The following BRINP3 variants were observed in gnomAD, a reference collection of about 807,000 sequenced individuals.
BRINP3 encodes BMP/retinoic acid-inducible neural-specific protein 3.
A neutral mutation model predicts 71.0 loss-of-function variants in BRINP3; 19 were observed. The ratio of observed to expected loss-of-function variants is 0.27; its 90% CI spans 0.19 to 0.39. BRINP3 has a LOEUF of 0.39. Among genes scored for constraint, BRINP3 ranks in the 10% least tolerant of loss-of-function variants. The pLI is 1.00. For missense variants in BRINP3, 959 were observed against 940.8 expected (o/e 1.02, Z -0.25); for synonymous variants, 380 against 337.7 (o/e 1.13, Z -1.37).
chr1:190,266,033 T>C (rs528403767), intron 3 of BRINP3, among the ~76,000 whole-genome samples: 1 of 152,200 alleles, frequency 6.6e-6, no homozygotes, highest in Non-Finnish European at 1.5e-5. Flanking sequence ...AGCTGAACTT[T>C]TCAATGTCCA....
intron 6 of BRINP3, among the ~76,000 whole-genome samples, chr1:190,179,772 T>C (rs976245424): frequency 2.0e-5 from 3 of 152,142 alleles, no homozygotes; most frequent in Admixed American, 6.6e-5. Flanking sequence ...GCTTGTGATC[T>C]GTTAAATTTA....
At chr1:190,210,386 T>C (rs1558068356) in intron 6 of BRINP3, among the ~76,000 whole-genome samples, 2 of 152,110 alleles carry the variant, frequency 1.3e-5, no homozygotes, top group South Asian at 2.1e-4. Flanking sequence ...GATTTTATGA[T>C]GCTGAATCAA....
chr1:190,170,456 T>C (rs771343264), intron 6 of BRINP3, among the ~76,000 whole-genome samples: 55 of 152,146 alleles, frequency 3.6e-4, no homozygotes, highest in Non-Finnish European at 6.2e-4. Flanking sequence ...TGATTGAACC[T>C]AAATATAAAC....
chr1:190,159,251 T>C (rs1657135513), intron 7 of BRINP3, among the ~76,000 whole-genome samples: 1 of 151,932 alleles, frequency 6.6e-6, no homozygotes, highest in African/African-American at 2.4e-5. Flanking sequence ...GAGATTGGAG[T>C]TGTCATTTGT....
intron 6 of BRINP3, among the ~76,000 whole-genome samples, chr1:190,181,091 A>G (rs968345039): frequency 5.3e-5 from 8 of 152,002 alleles, no homozygotes; most frequent in African/African-American, 1.7e-4. Context: ...GGCAAACACT[A>G]CCCAATCGTT....
Position 190,454,683 on chromosome 1 carries a change from C to T in BRINP3, c.208G>A (p.Gly70Arg), listed in dbSNP as rs140412690. The T allele has an allele frequency of 1.9e-6, 3 of 1,613,878 alleles. No individual in the cohort carries two copies. In the African/African-American group the frequency reaches 4.0e-5, roughly 22 times the overall value. ...TATATCTTGTATCTTGTGCTAAATC[C>T]CTGCCGGCTTCTGTCCACAAAATCT... Reference protein sequence around the residue: ...YTDFVDRSRQGFSTRYKIYRE... With the variant: ...YTDFVDRSRQRFSTRYKIYRE... The change falls in exon 2 of 8, where the codon GGA becomes AGA. Residue 70 changes from glycine (G) to arginine (R), a missense_variant. Gly to Arg is a moderately radical substitution (Grantham distance 125). Coordinates refer to ENST00000367462, the MANE Select transcript of BRINP3 (RefSeq NM_199051.3).
intron 1 of BRINP3, among the ~76,000 whole-genome samples, chr1:190,460,744 A>G (rs974729795): frequency 2.6e-5 from 4 of 152,284 alleles, no homozygotes; most frequent in South Asian, 2.1e-4. Context: ...ACGTTCTCCA[A>G]ACTTTTTTCT....
chr1:190,407,126 A>G (rs1558258573), intron 2 of BRINP3, among the ~76,000 whole-genome samples: 1 of 152,082 alleles, frequency 6.6e-6, no homozygotes, highest in East Asian at 1.9e-4. Context: ...CTATCAGGAG[A>G]CTCTTACAGA....
chr1:190,375,810 G>A (rs1290150689), intron 2 of BRINP3, among the ~76,000 whole-genome samples: 7 of 151,820 alleles, frequency 4.6e-5, no homozygotes, highest in Non-Finnish European at 1.0e-4. Context: ...TTGACATCTG[G>A]AAACATTACT....
At chr1:190,203,798 TATATATATATATATATAA>T (rs1558061985) in intron 6 of BRINP3, among the ~76,000 whole-genome samples, 14 of 57,104 alleles carry the variant, frequency 2.5e-4, no homozygotes, top group East Asian at 6.0e-4. Flanking sequence ...TATATATATA[TATATATATATATATATAA>T]ATGAAAACAA....
chr1:190,455,981 G>A lies in BRINP3; in HGVS notation c.-50-1041C>T, dbSNP rs945972794. 3.9e-5 allele frequency among the ~76,000 whole-genome samples: 6 copies of A among 152,092 alleles called. No homozygotes were observed. The South Asian group carries it at 6.2e-4, about 16-fold the overall frequency. ...AGCTTTTCAAACTGTATTATTCATAGCACATAGCACTACAGAGTGCAAAGA... is the reference window on the plus strand; with the variant it reads ...AGCTTTTCAAACTGTATTATTCATAACACATAGCACTACAGAGTGCAAAGA... On this transcript the variant is annotated intron_variant, in intron 1 of 7. Transcript: ENST00000367462.
At chr1:190,104,912 C>T (rs912455641) in intron 7 of BRINP3, among the ~76,000 whole-genome samples, 1 of 152,078 alleles carries the variant, frequency 6.6e-6, no homozygotes, top group African/African-American at 2.4e-5. Flanking sequence ...AAAACCTAAA[C>T]TATATAATTT....
chr1:190,437,827 G>GTTAA (rs942772871), intron 2 of BRINP3, among the ~76,000 whole-genome samples: 1 of 151,752 alleles, frequency 6.6e-6, no homozygotes, highest in African/African-American at 2.4e-5. Context: ...TTACTTTTAT[G>GTTAA]TTAAGAGACT....
chr1:190,301,210 T>TATATATACACACATAA (rs1558160695), intron 2 of BRINP3, among the ~76,000 whole-genome samples: 2 of 107,828 alleles, frequency 1.9e-5, no homozygotes, highest in Non-Finnish European at 3.5e-5. Context: ...CATACATATA[T>TATATATACACACATAA]ATATATATAT....
intron 6 of BRINP3, among the ~76,000 whole-genome samples, chr1:190,188,597 T>A (rs1164255757): frequency 6.7e-6 from 1 of 149,898 alleles, no homozygotes; most frequent in Non-Finnish European, 1.5e-5. Flanking sequence ...ACCTTCTGCA[T>A]CTATTGAAAA....
chr1:190,205,802 C>T (rs1655443315), intron 6 of BRINP3, among the ~76,000 whole-genome samples: 1 of 152,010 alleles, frequency 6.6e-6, no homozygotes, highest in Non-Finnish European at 1.5e-5. Flanking sequence ...CATTTTGCTT[C>T]CTTACCCTCT....
chr1:190,200,068 T>C (rs956404575), intron 6 of BRINP3, among the ~76,000 whole-genome samples: 12 of 152,088 alleles, frequency 7.9e-5, no homozygotes, highest in Admixed American at 2.6e-4. Context: ...TCAGAAGCTT[T>C]TCCTTATTGT....
intron 3 of BRINP3, among the ~76,000 whole-genome samples, chr1:190,270,754 G>A (rs1327068766): frequency 6.6e-6 from 1 of 151,420 alleles, no homozygotes; most frequent in Non-Finnish European, 1.5e-5. Context: ...TGAAGTAATT[G>A]GTAAGTTCAT....
At chr1:190,119,817 A>G (rs1229758657) in intron 7 of BRINP3, among the ~76,000 whole-genome samples, 1 of 152,204 alleles carries the variant, frequency 6.6e-6, no homozygotes, top group African/African-American at 2.4e-5. Flanking sequence ...CAGATTCTGA[A>G]ATAAGCATCA....
Sources: allele counts gnomAD v4.1 joint callset (sites outside exome capture counted in the v4.1 genomes callset), GRCh38; gene constraint gnomAD v4.1.1; transcripts MANE v1.5; gene names NCBI Gene and HGNC (gene_info 2026-07-23, HGNC 2026-07-21).